TCP11L1: variants seen among roughly 807,000 people sequenced by gnomAD.
The protein encoded by TCP11L1 is T-complex protein 11-like protein 1.
A neutral mutation model predicts 48.9 loss-of-function variants in TCP11L1; 28 were observed. The ratio of observed to expected loss-of-function variants is 0.57; its 90% confidence interval spans 0.42 to 0.78. The LOEUF (loss-of-function observed/expected upper bound fraction) is 0.78, where lower values mean the gene tolerates loss of function less well. Among genes scored for constraint, TCP11L1 ranks in the 30% least tolerant of loss-of-function variants. TCP11L1 has a pLI of 0.00. For missense variants in TCP11L1, 505 were observed against 613.4 expected, an observed-to-expected ratio of 0.82 and a Z score of 1.87; for synonymous variants, 204 against 231.9, an observed-to-expected ratio of 0.88 and a Z score of 1.09.
At chr11:33,054,222 CTTTT>C (rs879682189) in intron 2 of TCP11L1, among the ~76,000 whole-genome samples, 1 of 138,800 alleles carries the variant, frequency 7.2e-6, no homozygotes. Context: ...CTGGTGTCTT[CTTTT>C]TTTTTTTTTT....
In TCP11L1 at chr11:33,061,548, C is replaced by T; in HGVS notation, c.794C>T (p.Thr265Ile). The T allele has an allele frequency of 6.2e-7, 1 of 1,605,768 alleles. No homozygotes were observed. The highest frequency in any genetic ancestry group is 1.1e-5 in the South Asian group (1 of 89,144). Residue 265 changes from threonine to isoleucine, a missense_variant, in exon 7 of 10, where the codon ACC becomes ATC. Around this residue, in one of 3 missense-constraint regions of TCP11L1, gnomAD observed 335 missense variants for 413.3 expected, o/e 0.81. Coordinates refer to ENST00000334274, the MANE Select transcript of TCP11L1 (RefSeq NM_018393.4). ...TTCACAGATTCCCTGGACTTTGTCA[C>T]CCAGTGGCTGGAAGAAGCCTCAGAG... ...ERQPNSLDFV[T>I]QWLEEASEDL...
chr11:33,066,595 C>G (rs972252463), intron 8 of TCP11L1, among the ~76,000 whole-genome samples: 1 of 152,016 alleles, frequency 6.6e-6, no homozygotes, highest in Admixed American at 6.6e-5. Context: ...GGGCCTGGCT[C>G]GGTGTTGAGT....
chr11:33,045,267 C>T (rs1016763687), intron 2 of TCP11L1, among the ~76,000 whole-genome samples: 2 of 151,438 alleles, frequency 1.3e-5, no homozygotes, highest in Non-Finnish European at 2.9e-5. Flanking sequence ...GCAGGAGGAT[C>T]ACTTGAGCCT....
At chr11:33,058,286 C>T in intron 5 of TCP11L1, 147 bp downstream of exon 5, 3 of 737,666 alleles carry the variant, frequency 4.1e-6, no homozygotes, top group East Asian at 2.8e-5. Context: ...GCAACCTCCA[C>T]CTCCTGGATT....
intron 9 of TCP11L1, among the ~76,000 whole-genome samples, chr11:33,072,073 A>C (rs1854806402): frequency 6.6e-6 from 1 of 151,852 alleles, no homozygotes; most frequent in African/African-American, 2.4e-5. Context: ...CGAACTCTTG[A>C]CCTCAGGTGA....
At chr11:33,042,395 G>C (rs373629800) in intron 1 of TCP11L1, among the ~76,000 whole-genome samples, 21 of 152,274 alleles carry the variant, frequency 1.4e-4, no homozygotes, top group African/African-American at 4.8e-4. Flanking sequence ...CCTGTTTTAG[G>C]CTGGGCACGG....
intron 2 of TCP11L1, 127 bp from the exon 3 acceptor site, chr11:33,054,466 C>A: frequency 1.7e-6 from 2 of 1,144,076 alleles, no homozygotes; most frequent in Non-Finnish European, 2.5e-6. Flanking sequence ...TTTGAAAATG[C>A]CAGAACAAAC....
intron 8 of TCP11L1, among the ~76,000 whole-genome samples, chr11:33,067,418 G>C (rs1201585976): frequency 6.6e-6 from 1 of 152,158 alleles, no homozygotes; most frequent in Non-Finnish European, 1.5e-5. Flanking sequence ...AGTGCAGTGT[G>C]GGGCGTGTCC....
intron 2 of TCP11L1, among the ~76,000 whole-genome samples, chr11:33,049,175 G>A (rs2900825): frequency 0.15 from 22,878 of 151,200 alleles, 1,895 homozygotes; most frequent in East Asian, 0.3. Context: ...ACTTGAACCC[G>A]GGAGGCGGAG....
intron 7 of TCP11L1, among the ~76,000 whole-genome samples, chr11:33,062,508 C>T (rs1854497080): frequency 6.6e-6 from 1 of 152,188 alleles, no homozygotes; most frequent in Admixed American, 6.5e-5. Flanking sequence ...GTAAAATACA[C>T]ATAACATAAA....
At chr11:33,065,792 A>G in intron 7 of TCP11L1, 38 bp from the exon 8 acceptor site, 2 of 1,593,634 alleles carry the variant, frequency 1.3e-6, no homozygotes, top group Non-Finnish European at 1.7e-6. Context: ...GCCAACCTGG[A>G]CCTGCAGCTC....
Position 33,068,776 on chromosome 11 carries a change from C to A in TCP11L1, c.1244C>A (p.Pro415His). ...TGCCTCTCCCTGTGTGGGTCCTCTC[C>A]CTTCACCACGGACAAGGAGACCGTG... ...SSCLSLCGSS[P>H]FTTDKETVLK... The change falls in exon 9 of 10, where the codon CCC becomes CAC. Residue 415 changes from proline (P) to histidine (H), a missense_variant. By Grantham distance (77) the Pro-to-His change is moderately conservative. Coordinates refer to ENST00000334274, the MANE Select transcript of TCP11L1 (RefSeq NM_018393.4). 2 of 1,614,176 alleles carry A rather than the reference C, an allele frequency of 1.2e-6. No homozygotes were observed. Among genetic ancestry groups the A allele is most frequent in the Non-Finnish European group, 1.7e-6 (2 of 1,180,014 alleles).
chr11:33,060,395 A>G (rs1854434262), intron 6 of TCP11L1, among the ~76,000 whole-genome samples: 1 of 152,204 alleles, frequency 6.6e-6, no homozygotes, highest in Admixed American at 6.5e-5. Context: ...GGGTGAAGCC[A>G]GATGGCCCAG....
chr11:33,065,269 A>AT (rs956886260), intron 7 of TCP11L1, among the ~76,000 whole-genome samples: 72 of 147,940 alleles, frequency 4.9e-4, no homozygotes, highest in Middle Eastern at 3.5e-3. Flanking sequence ...AGGTCATGCT[A>AT]TTTTTTTTTT....
At chr11:33,041,508 T>C (rs1435440923) in intron 1 of TCP11L1, among the ~76,000 whole-genome samples, 2 of 152,170 alleles carry the variant, frequency 1.3e-5, no homozygotes, top group Non-Finnish European at 2.9e-5. Flanking sequence ...CCCAGCACTT[T>C]GGGAGGCTGA....
At chr11:33,064,117 T>G (rs1304990309) in intron 7 of TCP11L1, among the ~76,000 whole-genome samples, 1 of 152,022 alleles carries the variant, frequency 6.6e-6, no homozygotes, top group African/African-American at 2.4e-5. Context: ...CACTTGGCAG[T>G]CTTATGAATA....
chr11:33,058,106 T>G lies in TCP11L1; in HGVS notation c.605T>G (p.Leu202Arg). The change falls in exon 5 of 10, where the codon CTA (leucine) becomes CGA (arginine). Residue 202 changes from leucine (L) to arginine (R), a missense_variant. Around this residue, in one of 3 missense-constraint regions of TCP11L1, gnomAD observed 335 missense variants for 413.3 expected, o/e 0.81. Transcript: ENST00000334274. ...APARDEEVKKLKDIKEIVPLF... is the reference protein window; with the variant it reads ...APARDEEVKKRKDIKEIVPLF... Reference sequence around the variant, plus strand: ...GCTCGAGATGAGGAAGTTAAGAAACTAAAGGACATTAAGGAAATAGTGCCC... The same window carrying G: ...GCTCGAGATGAGGAAGTTAAGAAACGAAAGGACATTAAGGAAATAGTGCCC... The G allele has an allele frequency of 6.2e-7, 1 of 1,613,870 alleles. No individual in the cohort carries two copies. Among genetic ancestry groups the G allele is most frequent in the Admixed American group, 1.7e-5 (1 of 60,000 alleles).
intron 1 of TCP11L1, chr11:33,041,065 G>A (rs933133354): frequency 6.6e-6 from 1 of 152,156 alleles, no homozygotes; most frequent in Non-Finnish European, 1.5e-5. Context: ...ATGTCAACTA[G>A]CCAGCCCTGC....
At chr11:33,058,387 T>C (rs989591116) in intron 5 of TCP11L1, among the ~76,000 whole-genome samples, 2 of 152,026 alleles carry the variant, frequency 1.3e-5, no homozygotes, top group Non-Finnish European at 2.9e-5. Context: ...TTAGTAAAGA[T>C]GGTGTTTCAC....
Sources: allele counts gnomAD v4.1 joint callset (sites outside exome capture counted in the v4.1 genomes callset), GRCh38; gene constraint gnomAD v4.1.1; regional missense constraint gnomAD v4.1.1; transcripts MANE v1.5; gene names NCBI Gene and HGNC (gene_info 2026-07-23, HGNC 2026-07-21).